The following NAV3 variants were observed in gnomAD, a reference collection of about 807,000 sequenced individuals.
The protein encoded by NAV3 is neuron navigator 3.
Under a neutral mutation model 244.7 loss-of-function variants are expected in NAV3, and 87 were observed. The observed-to-expected ratio is 0.36, with a 90% CI of 0.30 to 0.42. The LOEUF (loss-of-function observed/expected upper bound fraction) is 0.42, where lower values mean the gene tolerates loss of function less well. NAV3 is among the 20% of genes least tolerant of loss of function. The pLI is 1.00. For missense variants in NAV3, 2,663 were observed against 2,893.3 expected, an observed-to-expected ratio of 0.92 and a Z score of 1.83; for synonymous variants, 1,126 against 1,042.2, an observed-to-expected ratio of 1.08 and a Z score of -1.55.
chr12:78,039,828 A>G (rs1880551199), intron 9 of NAV3, among the ~76,000 whole-genome samples: 2 of 151,986 alleles, frequency 1.3e-5, no homozygotes, highest in South Asian at 4.1e-4. Flanking sequence ...ACTTTGCACC[A>G]ATGTTAAAAA....
intron 1 of NAV3, among the ~76,000 whole-genome samples, chr12:77,895,441 T>A (rs2136821640): frequency 6.6e-6 from 1 of 151,954 alleles, no homozygotes; most frequent in South Asian, 2.1e-4. Context: ...AAAGGAAACA[T>A]TATTTGAGTT....
chr12:78,208,005 G>A (rs300493), intron 39 of NAV3, among the ~76,000 whole-genome samples: 57,288 of 151,986 alleles, frequency 0.38, 12,973 homozygotes, highest in East Asian at 0.51. Context: ...GGCTATAGAT[G>A]CCCTATTCCA....
At chr12:78,034,199 A>G (rs1176678469) in intron 9 of NAV3, among the ~76,000 whole-genome samples, 1 of 152,230 alleles carries the variant, frequency 6.6e-6, no homozygotes, top group Non-Finnish European at 1.5e-5. Context: ...GTTTAGCAAC[A>G]TCACTGGCCA....
rs3046395 is a variant in NAV3 at position 77,647,067 on chromosome 12, TAC to T, written c.72+74820_72+74821del. Among the ~76,000 whole-genome samples the T allele has an allele frequency of 8.0e-4, 120 of 149,676 alleles. 1 individual carries two copies. Among genetic ancestry groups the T allele is most frequent in the South Asian group, 3.2e-3 (15 of 4,714 alleles). ...TGGTGTATGTGTGAACATATATATATACACACACACACACACACACGTATATG... is the reference window on the plus strand; with the variant it reads ...TGGTGTATGTGTGAACATATATATATACACACACACACACACACGTATATG... On this transcript the variant is annotated intron_variant, in intron 2 of 8. Transcript: ENST00000550042.
At chr12:78,077,249 A>T (rs1311442023) in intron 12 of NAV3, among the ~76,000 whole-genome samples, 1 of 152,188 alleles carries the variant, frequency 6.6e-6, no homozygotes, top group African/African-American at 2.4e-5. Flanking sequence ...AGCTCAATAA[A>T]GTTAACCCAA....
At chr12:78,134,974 G>A (rs541439047) in intron 18 of NAV3, among the ~76,000 whole-genome samples, 1 of 151,998 alleles carries the variant, frequency 6.6e-6, no homozygotes, top group African/African-American at 2.4e-5. Flanking sequence ...GGAAATTCTT[G>A]TGTGTCTCTT....
chr12:77,664,965 G>T (rs1323506404), intron 2 of NAV3, among the ~76,000 whole-genome samples: 2 of 152,126 alleles, frequency 1.3e-5, no homozygotes, highest in Non-Finnish European at 2.9e-5. Context: ...GGCTGGAGTT[G>T]CAGTGGCTAT....
intron 2 of NAV3, among the ~76,000 whole-genome samples, chr12:77,813,344 T>G (rs1872383949): frequency 6.6e-6 from 1 of 152,156 alleles, no homozygotes; most frequent in Non-Finnish European, 1.5e-5. Context: ...TATATCAGGG[T>G]TCTCTGCCTT....
At chr12:77,880,811 C>G (rs1882539011) in intron 1 of NAV3, among the ~76,000 whole-genome samples, 1 of 152,100 alleles carries the variant, frequency 6.6e-6, no homozygotes, top group Admixed American at 6.6e-5. Flanking sequence ...TGTCACAGAG[C>G]CTCGGTGTGT....
chr12:77,632,351 T>C (rs1871949356), intron 2 of NAV3, among the ~76,000 whole-genome samples: 1 of 152,178 alleles, frequency 6.6e-6, no homozygotes, highest in Non-Finnish European at 1.5e-5. Flanking sequence ...AGAGGTTTAA[T>C]GGACTCAGAG....
At chr12:77,901,899 T>C (rs534126834) in intron 1 of NAV3, among the ~76,000 whole-genome samples, 7 of 151,952 alleles carry the variant, frequency 4.6e-5, no homozygotes, top group African/African-American at 1.7e-4. Flanking sequence ...CCCAGTACTG[T>C]TTTTCCGGGT....
At chr12:78,188,954 A>G (rs1248421259) in intron 33 of NAV3, among the ~76,000 whole-genome samples, 177 bp downstream of exon 33, 2 of 151,882 alleles carry the variant, frequency 1.3e-5, no homozygotes, top group African/African-American at 2.4e-5. Flanking sequence ...CAATCCTACT[A>G]AAAACACTAG....
intron 1 of NAV3, among the ~76,000 whole-genome samples, chr12:77,904,429 T>A (rs1016211648): frequency 6.6e-6 from 1 of 151,826 alleles, no homozygotes; most frequent in African/African-American, 2.4e-5. Flanking sequence ...TCACTCATAG[T>A]TGGGAATTGA....
intron 7 of NAV3, among the ~76,000 whole-genome samples, chr12:78,004,439 C>T (rs1873857673): frequency 6.6e-6 from 1 of 152,112 alleles, no homozygotes; most frequent in Non-Finnish European, 1.5e-5. Flanking sequence ...CATAAAAATG[C>T]AAGATACAAA....
rs562905161 is a variant in NAV3, at chr12:78,039,348, A to G, written c.2024-10645A>G. Among the ~76,000 whole-genome samples, 21 of 152,234 alleles carry G rather than the reference A, an allele frequency of 1.4e-4. 1 individual carries two copies. Among genetic ancestry groups the G allele is most frequent in the African/African-American group, 5.1e-4 (21 of 41,538 alleles). On this transcript the variant is annotated intron_variant, in intron 9 of 39. Coordinates refer to ENST00000397909, the MANE Select transcript of NAV3 (RefSeq NM_001024383.2). The stretch of plus-strand genomic sequence containing the variant: ...TGAGGTTAATTCTTTACTCTTAGAT[A>G]TCCTCCTAAATCAGACAGATTAAGG...
chr12:77,784,238 A>G (rs7132599), intron 2 of NAV3, among the ~76,000 whole-genome samples: 143,693 of 152,114 alleles, frequency 0.94, 68,414 homozygotes, highest in East Asian at 1. Context: ...TTTAGCTGCA[A>G]ATATGATGTC....
chr12:77,661,614 C>A (rs1309805836), intron 2 of NAV3, among the ~76,000 whole-genome samples: 1 of 151,978 alleles, frequency 6.6e-6, no homozygotes, highest in Non-Finnish European at 1.5e-5. Context: ...TCTAAGAAAT[C>A]TTTGCTTAAT....
chr12:78,138,962 A>G (rs1289621761), intron 19 of NAV3, among the ~76,000 whole-genome samples: 1 of 152,170 alleles, frequency 6.6e-6, no homozygotes, highest in Non-Finnish European at 1.5e-5. Context: ...TGACAGATGA[A>G]GAGACTGAGC....
rs761133141 is a variant in NAV3, at chr12:78,177,310, C to T, written c.5294C>T (p.Ser1765Leu). The change falls in exon 27 of 40, where the codon TCA (serine) becomes TTA (leucine). Residue 1765 changes from serine to leucine, a missense_variant. By Grantham distance (145) the Ser-to-Leu change is moderately radical. Around this residue, in one of 6 missense-constraint regions of NAV3, gnomAD observed 193 missense variants for 200.7 expected, o/e 0.96. Coordinates refer to ENST00000397909, the MANE Select transcript of NAV3 (RefSeq NM_001024383.2). ...SASMKPSQSASASPLVWPPKK... is the reference protein window; with the variant it reads ...SASMKPSQSALASPLVWPPKK... ...TCCATGAAGCCCTCACAATCTGCTT[C>T]AGCGTAAGTTGCTCCTTCTGCAAAA... 2 of 1,600,668 alleles carry T rather than the reference C, an allele frequency of 1.2e-6. No individual in the cohort carries two copies. The highest frequency in any genetic ancestry group is 1.7e-6 in the Non-Finnish European group (2 of 1,176,432).
Sources: allele counts gnomAD v4.1 joint callset (sites outside exome capture counted in the v4.1 genomes callset), GRCh38; gene constraint gnomAD v4.1.1; regional missense constraint gnomAD v4.1.1; transcripts MANE v1.5; gene names NCBI Gene and HGNC (gene_info 2026-07-23, HGNC 2026-07-21).